Variants in ARHGAP10 observed in about 807,000 individuals in gnomAD.
ARHGAP10 encodes the protein Rho GTPase activating protein 10.
In ARHGAP10, 87 loss-of-function variants were observed where a neutral mutation model predicts 108.6. The ratio of observed to expected loss-of-function variants is 0.80; its 90% CI spans 0.67 to 0.96. The LOEUF is 0.96. Among genes scored for constraint, ARHGAP10 ranks in the 40% least tolerant of loss-of-function variants. The pLI, the probability that ARHGAP10 is intolerant of heterozygous loss-of-function variation, is 0.00. For missense variants in ARHGAP10, 939 were observed against 954.5 expected (o/e 0.98, Z 0.21); for synonymous variants, 347 against 341.1 (o/e 1.02, Z -0.19).
intron 22 of ARHGAP10, 139 bp downstream of exon 22, chr4:148,064,646 C>CCGCG: frequency 1.5e-6 from 1 of 645,900 alleles, no homozygotes; most frequent in Non-Finnish European, 2.5e-6. Context: ...GATTAAGCGG[C>CCGCG]TGCGTTAGGC....
intron 1 of ARHGAP10, 102 bp downstream of exon 1, chr4:147,732,557 CA>C (rs1392061290): frequency 7.4e-6 from 11 of 1,495,860 alleles, no homozygotes; most frequent in Non-Finnish European, 1.0e-5. Flanking sequence ...GGCCAGCAGC[CA>C]GAGGAACGGG....
intron 13 of ARHGAP10, among the ~76,000 whole-genome samples, chr4:147,918,244 T>C (rs1333805633): frequency 6.7e-6 from 1 of 149,478 alleles, no homozygotes. Flanking sequence ...CACACCATTC[T>C]CCTGCCTCAG....
chr4:147,769,981 T>C (rs1347886784), intron 1 of ARHGAP10, among the ~76,000 whole-genome samples: 1 of 152,206 alleles, frequency 6.6e-6, no homozygotes, highest in Non-Finnish European at 1.5e-5. Context: ...TTTATGCACA[T>C]GTTCCAGATA....
chr4:147,765,642 A>G (rs1729776219), intron 1 of ARHGAP10, among the ~76,000 whole-genome samples: 4 of 152,110 alleles, frequency 2.6e-5, no homozygotes, highest in Admixed American at 2.6e-4. Flanking sequence ...TTTACAAAAA[A>G]TACAAAAATT....
intron 9 of ARHGAP10, 118 bp from the exon 10 acceptor site, chr4:147,881,720 G>A: frequency 2.7e-6 from 2 of 750,910 alleles, no homozygotes; most frequent in Non-Finnish European, 4.4e-6. Context: ...AAGAGGATAG[G>A]GTAAAGAGAA....
At chr4:147,773,284 A>G (rs568141261) in intron 1 of ARHGAP10, among the ~76,000 whole-genome samples, 2 of 152,214 alleles carry the variant, frequency 1.3e-5, no homozygotes, top group Non-Finnish European at 2.9e-5. Flanking sequence ...AACACTTTAC[A>G]GAGCTTTATA....
chr4:147,881,599 C>T (rs538030104), intron 9 of ARHGAP10, among the ~76,000 whole-genome samples: 2 of 152,334 alleles, frequency 1.3e-5, no homozygotes, highest in South Asian at 4.1e-4. Flanking sequence ...GATCCTGCCA[C>T]TGCACTCCAG....
intron 19 of ARHGAP10, among the ~76,000 whole-genome samples, chr4:148,031,250 TA>T (rs1328152424): frequency 6.6e-6 from 1 of 152,234 alleles, no homozygotes; most frequent in Admixed American, 6.5e-5. Context: ...TTCTTTTTCT[TA>T]AAATCTTTAG....
In ARHGAP10 at chr4:147,982,546, C is replaced by CTTTTTTT. The variant is rs753773443; in HGVS notation, c.1716+15726_1716+15732dup. Among the ~76,000 whole-genome samples the CTTTTTTT allele has an allele frequency of 1.1e-4, 7 of 66,268 alleles. 1 individual carries two copies. The highest frequency in any genetic ancestry group is 7.1e-4 in the South Asian group (1 of 1,416). The allele number at this position is 66,268 out of a possible 152,430, so 43.5% of individuals were successfully genotyped here. ...CATGTGCCATCACACCCAGCTAAAT[C>CTTTTTTT]TTTTTTTTTTTTTTTTTTTTTTTTT... On this transcript the variant is annotated intron_variant, in intron 18 of 22. Transcript: ENST00000336498.
In ARHGAP10 at chr4:147,910,190, A is replaced by T. The variant is rs375888578; in HGVS notation, c.1162+413A>T. Among the ~76,000 whole-genome samples the T allele has an allele frequency of 4.0e-5, 6 of 151,424 alleles. No individual in the cohort carries two copies. The East Asian group carries it at 5.8e-4, about 15-fold the overall frequency. The stretch of plus-strand genomic sequence containing the variant: ...ACCTGGCCAATTGTTTTTATTTTTA[A>T]TTTTTTTGTTGTTGTTGAGATGGGA... On this transcript the variant is annotated intron_variant, in intron 12 of 22. Transcript: ENST00000336498.
chr4:147,781,841 C>T (rs140401527), intron 1 of ARHGAP10, among the ~76,000 whole-genome samples: 158 of 152,150 alleles, frequency 1.0e-3, no homozygotes, highest in African/African-American at 3.2e-3. Flanking sequence ...CATCTTTACG[C>T]GTCAGTATTT....
intron 10 of ARHGAP10, among the ~76,000 whole-genome samples, chr4:147,883,445 C>T (rs2126874746): frequency 6.6e-6 from 1 of 152,314 alleles, no homozygotes; most frequent in East Asian, 1.9e-4. Flanking sequence ...CATCTGTGCG[C>T]ACACACCCAT....
chr4:147,789,034 T>C (rs1731007786), intron 1 of ARHGAP10, among the ~76,000 whole-genome samples: 2 of 152,188 alleles, frequency 1.3e-5, no homozygotes. Context: ...ACTGATGATA[T>C]CACTGAAAAC....
chr4:147,860,243 C>G (rs532714650), intron 5 of ARHGAP10, among the ~76,000 whole-genome samples: 5 of 152,306 alleles, frequency 3.3e-5, no homozygotes, highest in Admixed American at 1.3e-4. Flanking sequence ...GAGATCCAGA[C>G]CATCCTGGCT....
intron 19 of ARHGAP10, among the ~76,000 whole-genome samples, chr4:148,028,249 G>T (rs1442500775): frequency 1.3e-5 from 2 of 152,266 alleles, no homozygotes; most frequent in Admixed American, 1.3e-4. Flanking sequence ...AGGTGTGAGG[G>T]TAGGAGATTC....
At chr4:147,806,909 G>A (rs568591717) in intron 1 of ARHGAP10, among the ~76,000 whole-genome samples, 3 of 152,252 alleles carry the variant, frequency 2.0e-5, no homozygotes, top group East Asian at 3.9e-4. Flanking sequence ...TAGGTGCCAC[G>A]AAACTGCCCC....
At chr4:147,939,446 G>A (rs1474496244) in intron 13 of ARHGAP10, among the ~76,000 whole-genome samples, 1 of 152,168 alleles carries the variant, frequency 6.6e-6, no homozygotes, top group African/African-American at 2.4e-5. Flanking sequence ...AATCATCACC[G>A]TATTTTTAAA....
chr4:147,899,440 T>C (rs1467074580), intron 10 of ARHGAP10, among the ~76,000 whole-genome samples: 1 of 152,164 alleles, frequency 6.6e-6, no homozygotes, highest in Non-Finnish European at 1.5e-5. Flanking sequence ...ATCTTTGCTC[T>C]TAAATGAGTT....
chr4:147,847,314 T>C (rs963009320), intron 4 of ARHGAP10, 92 bp downstream of exon 4: 7 of 1,063,304 alleles, frequency 6.6e-6, no homozygotes, highest in Non-Finnish European at 9.8e-6. Context: ...TTGAAGGAGA[T>C]GCCGGAGCAA....
Sources: allele counts gnomAD v4.1 joint callset (sites outside exome capture counted in the v4.1 genomes callset), GRCh38; gene constraint gnomAD v4.1.1; transcripts MANE v1.5; gene names NCBI Gene and HGNC (gene_info 2026-07-23, HGNC 2026-07-21).